HBP1: variants seen among roughly 807,000 people sequenced by gnomAD.
HBP1 encodes the protein HMG-box transcription factor 1.
Under a neutral mutation model 62.6 loss-of-function variants are expected in HBP1, and 20 were observed. That is an observed-to-expected ratio of 0.32 (90% confidence interval 0.22 to 0.46). The LOEUF (loss-of-function observed/expected upper bound fraction) is 0.46, where lower values mean the gene tolerates loss of function less well. Ranked by LOEUF, HBP1 falls within the 20% of genes least tolerant of loss-of-function variation. HBP1 has a pLI of 1.00. For missense variants in HBP1, 480 were observed against 611.8 expected, an observed-to-expected ratio of 0.78 and a Z score of 2.27; for synonymous variants, 232 against 206.2, an observed-to-expected ratio of 1.12 and a Z score of -1.07.
intron 1 of HBP1, among the ~76,000 whole-genome samples, chr7:107,171,399 C>A (rs1367280125): frequency 6.6e-6 from 1 of 151,838 alleles, no homozygotes; most frequent in East Asian, 1.9e-4. Flanking sequence ...TGGATTCTTT[C>A]CTCACTAATC....
At position 107,185,832 on chromosome 7, in the gene HBP1, A is replaced by C; in HGVS notation, c.430A>C (p.Lys144Gln). 1 of 1,613,712 alleles carries C rather than the reference A, an allele frequency of 6.2e-7. No individual in the cohort carries two copies. Among genetic ancestry groups the C allele is most frequent in the Admixed American group, 1.7e-5 (1 of 60,030 alleles). The change falls in exon 4 of 11, where the codon AAA (lysine) becomes CAA (glutamine). Residue 144 changes from lysine (K) to glutamine (Q), a missense_variant. Lys to Gln is a moderately conservative substitution (Grantham distance 53). Around this residue, in one of 4 missense-constraint regions of HBP1, gnomAD observed 304 missense variants for 330.9 expected, o/e 0.92. Transcript: ENST00000222574. ...SSPVHIIATS[K>Q]SLHSYARPPP... ...TCCTGTACACATCATAGCCACTAGC[A>C]AAAGTTTACATTCCTATGCACGCCC...
intron 9 of HBP1, among the ~76,000 whole-genome samples, chr7:107,199,735 T>TA (rs1367605057): frequency 6.6e-6 from 1 of 152,258 alleles, no homozygotes. Context: ...GATGTAGTCT[T>TA]ATCAGTTTAA....
At chr7:107,173,830 G>A (rs1210588239) in intron 1 of HBP1, among the ~76,000 whole-genome samples, 1 of 152,198 alleles carries the variant, frequency 6.6e-6, no homozygotes, top group Non-Finnish European at 1.5e-5. Flanking sequence ...GACATGTGCA[G>A]AGTTAACTAA....
At position 107,179,821 on chromosome 7, in the gene HBP1, G is replaced by C. The variant is rs541157323; in HGVS notation, c.-15-58G>C. On this transcript the variant is annotated intron_variant, in intron 1 of 10. Coordinates refer to ENST00000222574, the MANE Select transcript of HBP1 (RefSeq NM_012257.4). The stretch of plus-strand genomic sequence containing the variant: ...CATGTCTCTGATTTATTTTAGGTTT[G>C]TGTACTGCCCAAATTGCATGGCTTG... 2.7e-6 allele frequency: 3 copies of C among 1,108,112 alleles called. No homozygotes were observed. In the African/African-American group the frequency reaches 4.7e-5, roughly 17 times the overall value. The allele number at this position is 1,108,112 out of a possible 1,614,324, so 68.6% of individuals were successfully genotyped here. A position where few individuals can be genotyped will look rare whatever the true frequency, so the allele number is the denominator to read the frequency against.
chr7:107,184,809 C>T (rs1485457814), intron 3 of HBP1, among the ~76,000 whole-genome samples: 4 of 152,324 alleles, frequency 2.6e-5, no homozygotes, highest in East Asian at 1.9e-4. Flanking sequence ...CCACTGCACC[C>T]GGCCCTTCCT....
In HBP1 at chr7:107,185,879, G is replaced by A. The variant is rs573245535; in HGVS notation, c.477G>A (p.Ser159=). The part of the protein sequence containing the change: ...YARPPPVSSS[S]KSEPAFPHHH... ...GCCCTCCACCAGTGTCCTCTTCTTC[G>A]AAGAGTGAACCAGCCTTCCCTCATC... is the stretch of plus-strand genomic sequence containing the variant. Residue 159 remains serine, a synonymous_variant, in exon 4 of 11, where the codon TCG becomes TCA. Transcript: ENST00000222574. The A allele has an allele frequency of 2.0e-5, 32 of 1,613,192 alleles. No individual in the cohort carries two copies. In the South Asian group the frequency reaches 2.6e-4, roughly 13 times the overall value.
intron 9 of HBP1, among the ~76,000 whole-genome samples, chr7:107,198,600 T>TATC (rs1288424566): frequency 3.9e-5 from 6 of 152,248 alleles, no homozygotes; most frequent in African/African-American, 7.2e-5. Flanking sequence ...AGATATCACC[T>TATC]ATCTCTAAAC....
At chr7:107,190,852 T>C (rs1343356081) in intron 8 of HBP1, among the ~76,000 whole-genome samples, 1 of 152,194 alleles carries the variant, frequency 6.6e-6, no homozygotes, top group Non-Finnish European at 1.5e-5. Flanking sequence ...ATCACGTTGC[T>C]AGTAAGTGGC....
intron 9 of HBP1, among the ~76,000 whole-genome samples, chr7:107,198,457 A>G (rs1584506382): frequency 1.3e-5 from 2 of 151,930 alleles, no homozygotes; most frequent in South Asian, 4.2e-4. Flanking sequence ...TGATCTGCCC[A>G]CCTCTGCCTC....
intron 9 of HBP1, among the ~76,000 whole-genome samples, chr7:107,197,946 G>A (rs1449829345): frequency 6.6e-6 from 1 of 152,048 alleles, no homozygotes; most frequent in Non-Finnish European, 1.5e-5. Context: ...GGTACATGCT[G>A]CATTTCTCTT....
intron 9 of HBP1, 136 bp from the exon 10 acceptor site, chr7:107,200,024 G>C: frequency 6.4e-6 from 4 of 627,226 alleles, no homozygotes; most frequent in Non-Finnish European, 1.1e-5. Context: ...TTATGGCCTT[G>C]ACCTTTTCCC....
intron 3 of HBP1, among the ~76,000 whole-genome samples, chr7:107,184,433 G>A (rs555154151): frequency 6.6e-6 from 1 of 152,278 alleles, no homozygotes; most frequent in South Asian, 2.1e-4. Flanking sequence ...ATGTTAATGA[G>A]GATAAGGTAG....
At chr7:107,179,107 C>A (rs918695993) in intron 1 of HBP1, among the ~76,000 whole-genome samples, 1 of 152,048 alleles carries the variant, frequency 6.6e-6, no homozygotes, top group African/African-American at 2.4e-5. Flanking sequence ...AAATAAAAAA[C>A]ACAGTAAATA....
chr7:107,192,460 A>G (rs1361848583), intron 8 of HBP1: 3 of 152,148 alleles, frequency 2.0e-5, no homozygotes, highest in Non-Finnish European at 2.9e-5. Context: ...TTCATAATAA[A>G]ATTATTGAAA....
chr7:107,200,581 T>C (rs951456561), intron 10 of HBP1: 3 of 263,742 alleles, frequency 1.1e-5, no homozygotes, highest in Non-Finnish European at 2.1e-5. Flanking sequence ...GAATGCAGTG[T>C]TTCTAGTTGG....
chr7:107,171,067 A>ATTTTTTTTTTTTTT (rs1395508929), intron 1 of HBP1, among the ~76,000 whole-genome samples: 1 of 66,680 alleles, frequency 1.5e-5, no homozygotes, highest in African/African-American at 1.4e-4. Flanking sequence ...ATATATATAT[A>ATTTTTTTTTTTTTT]TATATATTTT....
At chr7:107,169,961 G>A (rs955849536) in intron 1 of HBP1, 11 of 985,414 alleles carry the variant, frequency 1.1e-5, no homozygotes, top group Non-Finnish European at 1.3e-5. Context: ...ACCGCAGGCC[G>A]ATTGAAACAA....
intron 8 of HBP1, among the ~76,000 whole-genome samples, chr7:107,193,762 C>T (rs997174179): frequency 2.6e-5 from 4 of 152,060 alleles, no homozygotes; most frequent in Non-Finnish European, 5.9e-5. Flanking sequence ...GGCAGTGTAG[C>T]CTGATAGGAA....
Position 107,201,641 on chromosome 7 carries a change from A to C in HBP1, c.*210A>C. The C allele has an allele frequency of 2.4e-6, 1 of 422,842 alleles. No homozygotes were observed. Among genetic ancestry groups the C allele is most frequent in the Non-Finnish European group, 4.3e-6 (1 of 235,020 alleles). 26.2% of individuals were successfully genotyped at this position (422,842 alleles called of 1,614,324 possible). ...GCTAAAACTATCAACATTTTAAACCAAATTGCCTTATTTTTCTTCCAAACT... is the reference window on the plus strand; with the variant it reads ...GCTAAAACTATCAACATTTTAAACCCAATTGCCTTATTTTTCTTCCAAACT... On this transcript the variant is annotated 3_prime_UTR_variant, in exon 11 of 11. Coordinates refer to ENST00000222574, the MANE Select transcript of HBP1 (RefSeq NM_012257.4).
Sources: allele counts gnomAD v4.1 joint callset (sites outside exome capture counted in the v4.1 genomes callset), GRCh38; gene constraint gnomAD v4.1.1; regional missense constraint gnomAD v4.1.1; transcripts MANE v1.5; gene names NCBI Gene and HGNC (gene_info 2026-07-23, HGNC 2026-07-21).